COL20A1: variants seen among roughly 807,000 people sequenced by gnomAD.
The protein encoded by COL20A1 is collagen alpha-1(XX) chain.
A neutral mutation model predicts 152.9 loss-of-function variants in COL20A1; 164 were observed. The observed-to-expected ratio is 1.07, with a 90% CI of 0.94 to 1.22. COL20A1 has a LOEUF of 1.22. COL20A1 is among the 50% of genes most tolerant of loss of function. The pLI is 0.00. For missense variants in COL20A1, 1,873 were observed against 1,744.8 expected (o/e 1.07, Z -1.31); for synonymous variants, 864 against 756.0 (o/e 1.14, Z -2.34).
chr20:63,325,231 T>C (rs1172980020), intron 27 of COL20A1: 3 of 695,516 alleles, frequency 4.3e-6, no homozygotes, highest in Non-Finnish European at 7.9e-6. Flanking sequence ...GTGGCAAGCG[T>C]GACCTTGTCA....
chr20:63,309,127 G>A (rs955609354), intron 8 of COL20A1, among the ~76,000 whole-genome samples: 6 of 152,162 alleles, frequency 3.9e-5, no homozygotes, highest in Non-Finnish European at 8.8e-5. Context: ...CCCAGATTTC[G>A]AGGCAGGAGT....
In COL20A1 at chr20:63,334,206, A is replaced by C. The variant is rs925436506; in HGVS notation, c.*3490A>C. 8 of 152,224 alleles carry C rather than the reference A, an allele frequency of 5.3e-5. No homozygotes were observed. The highest frequency in any genetic ancestry group is 1.9e-4 in the African/African-American group (8 of 41,440). 9.4% of individuals were successfully genotyped at this position (152,224 alleles called of 1,614,324 possible). On this transcript the variant is annotated 3_prime_UTR_variant, in exon 36 of 36. Coordinates refer to ENST00000358894, the MANE Select transcript of COL20A1 (RefSeq NM_020882.4). ...CTCACTCACTGATGAAACTGGAAAAACAACCAATGATAACAAGCTAAAGAA... is the reference window on the plus strand; with the variant it reads ...CTCACTCACTGATGAAACTGGAAAACCAACCAATGATAACAAGCTAAAGAA...
intron 21 of COL20A1, among the ~76,000 whole-genome samples, chr20:63,318,190 C>A (rs1216642800): frequency 6.6e-6 from 1 of 152,146 alleles, no homozygotes; most frequent in Non-Finnish European, 1.5e-5. Context: ...GGTGCGGCCA[C>A]CCAGGGTGGA....
At position 63,330,987 on chromosome 20, in the gene COL20A1, T is replaced by G. The variant is rs576367962; in HGVS notation, c.*271T>G. On this transcript the variant is annotated 3_prime_UTR_variant, in exon 36 of 36. Transcript: ENST00000358894. ...GAGAGTGTCCCCCACCCTGGCTCTG[T>G]GCACCCCACCTTGAGGCCCTGCAGC... 1 of 152,518 alleles carries G rather than the reference T, an allele frequency of 6.6e-6. No homozygotes were observed. Among genetic ancestry groups the G allele is most frequent in the East Asian group, 1.9e-4 (1 of 5,182 alleles). The allele number at this position is 152,518 out of a possible 1,614,324, so 9.4% of individuals were successfully genotyped here.
intron 35 of COL20A1, among the ~76,000 whole-genome samples, 146 bp from the exon 36 acceptor site, chr20:63,330,562 CCTGCCCATGGCT>C (rs1168840846): frequency 6.6e-6 from 1 of 152,170 alleles, no homozygotes; most frequent in Non-Finnish European, 1.5e-5. Flanking sequence ...CACTTACGGC[CCTGCCCATGGCT>C]CTGCCCACTC....
At chr20:63,312,078 G>GC (rs2068016505) in intron 14 of COL20A1, 23 bp downstream of exon 14, 1 of 1,532,592 alleles carries the variant, frequency 6.5e-7, no homozygotes, top group East Asian at 2.3e-5. Context: ...CCCTCCGGGG[G>GC]CCCGAGTGTC....
intron 27 of COL20A1, among the ~76,000 whole-genome samples, chr20:63,322,738 G>A (rs930585436): frequency 6.6e-6 from 1 of 152,208 alleles, no homozygotes; most frequent in Non-Finnish European, 1.5e-5. Context: ...TGACACAGAT[G>A]CCGAAGGCGT....
chr20:63,307,816 C>T (rs539689106), intron 6 of COL20A1, among the ~76,000 whole-genome samples, 155 bp from the exon 7 acceptor site: 38 of 152,184 alleles, frequency 2.5e-4, no homozygotes, highest in Admixed American at 5.2e-4. Context: ...CGTGTGGAGG[C>T]CCTGGCTCTG....
chr20:63,308,425 C>A, intron 7 of COL20A1, 117 bp from the exon 8 acceptor site: 1 of 1,039,210 alleles, frequency 9.6e-7, no homozygotes. Flanking sequence ...TGCTGCGGGG[C>A]CTCCTGATAC....
chr20:63,327,078 C>T (rs1485359552), intron 31 of COL20A1: 1 of 423,460 alleles, frequency 2.4e-6, no homozygotes, highest in Non-Finnish European at 4.2e-6. Flanking sequence ...CAAGGACTTC[C>T]TGTCGCTCTC....
rs1317718680 is a variant in COL20A1 at position 63,299,852 on chromosome 20, T to C, written c.193+1832T>C. ...ATATATATGTATATATACGTGTGTG[T>C]GTATACATATATACGTTGTGTGTAT... On this transcript the variant is annotated intron_variant, in intron 3 of 35. Transcript: ENST00000358894. 2.6e-5 allele frequency among the ~76,000 whole-genome samples: 4 copies of C among 151,874 alleles called. No homozygotes were observed. In the South Asian group the frequency reaches 8.3e-4, roughly 32 times the overall value.
Position 63,328,126 on chromosome 20 carries a change from C to G in COL20A1, c.3612C>G (p.Ala1204=), listed in dbSNP as rs1486236870. The change falls in exon 33 of 36, where the codon GCC becomes GCG. Residue 1204 remains alanine, a splice_region_variant and synonymous_variant. Transcript: ENST00000358894. ...LATLYQLVSQ[A]SHVSKFDSFH... ...CCCTCTACCAGCTTGTGAGCCAGGC[C>G]TGTGAGTCTGCCATTCAGAGTGAGT... is the stretch of plus-strand genomic sequence containing the variant. The G allele has an allele frequency of 1.9e-6, 3 of 1,613,114 alleles. No individual in the cohort carries two copies. Among genetic ancestry groups the G allele is most frequent in the Non-Finnish European group, 1.7e-6 (2 of 1,179,800 alleles).
At position 63,326,117 on chromosome 20, in the gene COL20A1, ACTG is replaced by A; in HGVS notation, c.3428_3430del (p.Ala1143del). The stretch of plus-strand genomic sequence containing the variant: ...TCAGGGAATGAGAGGCCTGGAGGGA[ACTG>A]CTGGCCTGCCTGGACCCCCTGGCCC... On this transcript the variant is annotated inframe_deletion, in exon 30 of 36. Coordinates refer to ENST00000358894, the MANE Select transcript of COL20A1 (RefSeq NM_020882.4). 1 of 1,612,378 alleles carries A rather than the reference ACTG, an allele frequency of 6.2e-7. No homozygotes were observed. Among genetic ancestry groups the A allele is most frequent in the Non-Finnish European group, 8.5e-7 (1 of 1,179,570 alleles).
rs1234389738 is a variant in COL20A1, at chr20:63,320,383, T to C, written c.3153+15T>C. 1.2e-6 allele frequency: 2 copies of C among 1,609,806 alleles called. No homozygotes were observed. The highest frequency in any genetic ancestry group is 1.7e-6 in the Non-Finnish European group (2 of 1,179,402). On this transcript the variant is annotated intron_variant, in intron 25 of 35. Coordinates refer to ENST00000358894, the MANE Select transcript of COL20A1 (RefSeq NM_020882.4). ...TCCCTGCCTCGGTGTGCCCCGTCCC[T>C]TGCCCCTGTTCCACGAAGCAAGTTA...
At chr20:63,323,846 G>T (rs1012380468) in intron 27 of COL20A1, among the ~76,000 whole-genome samples, 7 of 152,032 alleles carry the variant, frequency 4.6e-5, no homozygotes, top group African/African-American at 1.7e-4. Flanking sequence ...TTATTTCATT[G>T]TTCAGTGAAC....
chr20:63,327,710 TG>T lies in COL20A1; in HGVS notation c.3529-240del, dbSNP rs113267742. On this transcript the variant is annotated intron_variant, in intron 31 of 35. Coordinates refer to ENST00000358894, the MANE Select transcript of COL20A1 (RefSeq NM_020882.4). Reference sequence around the variant, plus strand: ...TCTACAGCCAGAGGCAAGTCCTTTGTGGCACAAGTTCCAGCCCCACTCAGGA... The same window carrying T: ...TCTACAGCCAGAGGCAAGTCCTTTGTGCACAAGTTCCAGCCCCACTCAGGA... The T allele has an allele frequency of 1.4e-4, 82 of 576,384 alleles. 2 individuals are homozygous for T. The highest frequency in any genetic ancestry group is 1.4e-3 in the African/African-American group (73 of 53,498). The allele number at this position is 576,384 out of a possible 1,614,324, so 35.7% of individuals were successfully genotyped here. A position where few individuals can be genotyped will look rare whatever the true frequency, so the allele number is the denominator to read the frequency against.
chr20:63,328,614 GC>G, intron 34 of COL20A1, 116 bp downstream of exon 34: 1 of 1,010,800 alleles, frequency 9.9e-7, no homozygotes, highest in Non-Finnish European at 1.4e-6. Flanking sequence ...TGCTGGAGAT[GC>G]CACTGTCCAG....
In COL20A1 at chr20:63,305,343, G is replaced by A; in HGVS notation, c.194-74G>A. ...GGGGTGGGGAGGAGGAGCCAAGAGG[G>A]TTTCACTCCCCGCCGTGACAGATGC... On this transcript the variant is annotated intron_variant, in intron 3 of 35. Coordinates refer to ENST00000358894, the MANE Select transcript of COL20A1 (RefSeq NM_020882.4). The surrounding 1 kb of genome is among the most constrained non-coding windows in gnomAD (Gnocchi z 4.9). The A allele has an allele frequency of 7.8e-7, 1 of 1,276,280 alleles. No homozygotes were observed. The highest frequency in any genetic ancestry group is 2.0e-5 in the South Asian group (1 of 49,784). 79.1% of individuals were successfully genotyped at this position (1,276,280 alleles called of 1,614,324 possible). A position where few individuals can be genotyped will look rare whatever the true frequency, so the allele number is the denominator to read the frequency against.
At chr20:63,327,408 G>A (rs532712409) in intron 31 of COL20A1, 4 of 179,244 alleles carry the variant, frequency 2.2e-5, no homozygotes, top group South Asian at 2.4e-4. Flanking sequence ...CAGGACAGAC[G>A]TGGTGGAGGG....
Sources: gnomAD v4.1 joint callset for allele counts (sites outside exome capture counted in the v4.1 genomes callset) on GRCh38, gnomAD v4.1.1 for gene constraint, Gnocchi (gnomAD v3.1) non-coding constraint, MANE v1.5 for transcripts, NCBI Gene and HGNC (gene_info 2026-07-23, HGNC 2026-07-21) for gene names.